The following WWP2 variants were observed in gnomAD, a reference collection of about 807,000 sequenced individuals.
The protein encoded by WWP2 is NEDD4-like E3 ubiquitin-protein ligase WWP2.
WWP2 carries 57 observed loss-of-function variants against 121.0 expected under a neutral mutation model. The observed-to-expected ratio is 0.47, with a 90% CI of 0.38 to 0.59. The LOEUF is 0.59. Ranked by LOEUF, WWP2 falls within the 20% of genes least tolerant of loss-of-function variation. WWP2 has a pLI of 0.00. For missense variants in WWP2, 962 were observed against 1,158.9 expected, an observed-to-expected ratio of 0.83 and a Z score of 2.47; for synonymous variants, 449 against 441.3, an observed-to-expected ratio of 1.02 and a Z score of -0.22.
chr16:69,927,221 G>C (rs1266992680), intron 11 of WWP2, among the ~76,000 whole-genome samples: 2 of 152,156 alleles, frequency 1.3e-5, no homozygotes, highest in Non-Finnish European at 2.9e-5. Flanking sequence ...GCTGCCCCAG[G>C]GCTGTGGCTG....
At chr16:69,825,741 T>C (rs948442646) in intron 4 of WWP2, among the ~76,000 whole-genome samples, 4 of 149,222 alleles carry the variant, frequency 2.7e-5, no homozygotes, top group South Asian at 2.2e-4. Flanking sequence ...TCCTCCCACC[T>C]CAGCCTCCCA....
rs569563931 is a variant in WWP2 at position 69,769,671 on chromosome 16, T to C, written c.-16+7280T>C. Among the ~76,000 whole-genome samples the C allele has an allele frequency of 3.3e-5, 5 of 152,310 alleles. No homozygotes were observed. The East Asian group carries it at 9.6e-4, about 29-fold the overall frequency. On this transcript the variant is annotated intron_variant, in intron 1 of 23. Transcript: ENST00000359154. ...TAGTTGATATTTGAAGAGCTCTTACTGTGTGTCCTCTGCTTTACCTGAATT... is the reference window on the plus strand; with the variant it reads ...TAGTTGATATTTGAAGAGCTCTTACCGTGTGTCCTCTGCTTTACCTGAATT...
chr16:69,880,070 T>C (rs1156285543), intron 7 of WWP2, among the ~76,000 whole-genome samples: 1 of 151,398 alleles, frequency 6.6e-6, no homozygotes, highest in East Asian at 1.9e-4. Flanking sequence ...TTCTTCATGA[T>C]GTTACGTTAT....
intron 8 of WWP2, chr16:69,890,969 A>G (rs541661304): frequency 6.6e-6 from 1 of 152,356 alleles, no homozygotes; most frequent in African/African-American, 2.4e-5. Context: ...CCACTTGAAC[A>G]TGTACGATGG....
intron 1 of WWP2, among the ~76,000 whole-genome samples, chr16:69,785,734 C>T (rs1311544083): frequency 1.3e-5 from 2 of 151,326 alleles, no homozygotes; most frequent in Non-Finnish European, 2.9e-5. Context: ...TCAAGCGATT[C>T]TCCTGCCTCA....
chr16:69,851,413 T>C (rs963801648), intron 6 of WWP2, among the ~76,000 whole-genome samples: 2 of 152,152 alleles, frequency 1.3e-5, no homozygotes, highest in Non-Finnish European at 2.9e-5. Context: ...ATTTCCAGAA[T>C]GTCGTATAGC....
In WWP2 at chr16:69,934,992, G is replaced by A. The variant is rs8043646; in HGVS notation, c.1843-861G>A. 1.6e-4 allele frequency among the ~76,000 whole-genome samples: 24 copies of A among 152,226 alleles called. No homozygotes were observed. In the South Asian group the frequency reaches 4.4e-3, roughly 28 times the overall value. ...AAGTGAGCCAGTTCTGGGGAGGGGC[G>A]TCCCAGCGTCTGTATTTAACTGGAA... On this transcript the variant is annotated intron_variant, in intron 17 of 23. Transcript: ENST00000359154.
chr16:69,935,804 C>T lies in WWP2; in HGVS notation c.1843-49C>T. The T allele has an allele frequency of 6.4e-7, 1 of 1,569,844 alleles. No individual in the cohort carries two copies. ...CCGAGCATCTGAGAGCTGGTCTTGGCAGTGCCCAGGGAAGGCCAAACCTCT... is the reference window on the plus strand; with the variant it reads ...CCGAGCATCTGAGAGCTGGTCTTGGTAGTGCCCAGGGAAGGCCAAACCTCT... On this transcript the variant is annotated intron_variant, in intron 17 of 23. Transcript: ENST00000359154. The surrounding 1 kb of genome is among the most constrained non-coding windows in gnomAD (Gnocchi z 5.2).
chr16:69,793,161 G>A (rs1284280354), intron 2 of WWP2, among the ~76,000 whole-genome samples: 1 of 152,090 alleles, frequency 6.6e-6, no homozygotes, highest in Non-Finnish European at 1.5e-5. Flanking sequence ...GACCAGCCTC[G>A]CCAAGATGGT....
chr16:69,867,703 T>A (rs1169051236), intron 6 of WWP2, among the ~76,000 whole-genome samples: 1 of 152,208 alleles, frequency 6.6e-6, no homozygotes, highest in Non-Finnish European at 1.5e-5. Context: ...CACCGCATCC[T>A]GAGAAGGGCG....
chr16:69,927,263 A>C (rs1463993857), intron 11 of WWP2, among the ~76,000 whole-genome samples: 1 of 151,996 alleles, frequency 6.6e-6, no homozygotes, highest in East Asian at 1.9e-4. Context: ...CCGAGAATGA[A>C]CAGGAAGAAC....
intron 6 of WWP2, among the ~76,000 whole-genome samples, chr16:69,849,934 A>C (rs907430859): frequency 6.6e-6 from 1 of 152,188 alleles, no homozygotes; most frequent in Admixed American, 6.5e-5. Context: ...TTTGGCATTT[A>C]CTCTGTATGA....
At chr16:69,777,596 C>T (rs780639432) in intron 1 of WWP2, among the ~76,000 whole-genome samples, 37 of 151,688 alleles carry the variant, frequency 2.4e-4, no homozygotes, top group East Asian at 5.8e-4. Context: ...CCACCGTGCT[C>T]GGCCTATATT....
At chr16:69,803,671 G>T (rs1390899196) in intron 4 of WWP2, among the ~76,000 whole-genome samples, 1 of 152,154 alleles carries the variant, frequency 6.6e-6, no homozygotes, top group African/African-American at 2.4e-5. Context: ...GACCTGGGAG[G>T]CGGAGGCAGG....
intron 23 of WWP2, 100 bp downstream of exon 23, chr16:69,939,513 C>A: frequency 7.6e-7 from 1 of 1,307,248 alleles, no homozygotes; most frequent in Non-Finnish European, 1.1e-6. Context: ...TCGAGTCTGG[C>A]AGCTTTTGCG....
intron 7 of WWP2, among the ~76,000 whole-genome samples, chr16:69,875,350 C>T (rs1261668563): frequency 2.0e-5 from 3 of 152,324 alleles, no homozygotes; most frequent in East Asian, 1.9e-4. Flanking sequence ...GGTCTCTCCT[C>T]GATGTTGATG....
At chr16:69,792,550 A>G (rs1346745982) in intron 2 of WWP2, among the ~76,000 whole-genome samples, 1 of 152,322 alleles carries the variant, frequency 6.6e-6, no homozygotes, top group East Asian at 1.9e-4. Context: ...TCAAAATATC[A>G]CCCTGCTGAT....
At chr16:69,922,279 C>G (rs977752507) in intron 10 of WWP2, among the ~76,000 whole-genome samples, 3 of 151,740 alleles carry the variant, frequency 2.0e-5, no homozygotes, top group African/African-American at 7.3e-5. Context: ...GCGTTCCACG[C>G]TGCAACCTTT....
intron 18 of WWP2, among the ~76,000 whole-genome samples, 153 bp from the exon 19 acceptor site, chr16:69,936,159 G>A (rs1296406252): frequency 6.6e-6 from 1 of 152,094 alleles, no homozygotes; most frequent in Admixed American, 6.5e-5. Flanking sequence ...GACAGTTCTA[G>A]AACCTTCTCC....
Sources: allele counts gnomAD v4.1 joint callset (sites outside exome capture counted in the v4.1 genomes callset), GRCh38; gene constraint gnomAD v4.1.1; non-coding constraint Gnocchi (gnomAD v3.1); transcripts MANE v1.5; gene names NCBI Gene and HGNC (gene_info 2026-07-23, HGNC 2026-07-21).